TMPPE: variants seen among roughly 807,000 people sequenced by gnomAD.
TMPPE encodes the protein transmembrane protein with metallophosphoesterase domain.
Under a neutral mutation model 22.6 loss-of-function variants are expected in TMPPE, and 16 were observed. The ratio of observed to expected loss-of-function variants is 0.71; its 90% confidence interval spans 0.48 to 1.08. TMPPE has a LOEUF of 1.08. TMPPE is among the 50% of genes least tolerant of loss of function. TMPPE has a pLI of 0.00. For synonymous variants in TMPPE, 240 were observed against 245.3 expected (o/e 0.98, Z 0.20); for missense variants, 526 against 584.3 (o/e 0.90, Z 1.03).
rs375148498 is a variant in TMPPE, at chr3:33,092,992, C to G, written c.1204G>C (p.Val402Leu). The G allele has an allele frequency of 6.2e-7, 1 of 1,614,102 alleles. No homozygotes were observed. The highest frequency in any genetic ancestry group is 1.3e-5 in the African/African-American group (1 of 74,926). Reference sequence around the variant, plus strand: ...AAGGGATTCAGGAGATAGGCTGCTACGTTCAAGGGGAAGATCTGCCCAGCA... The same window carrying G: ...AAGGGATTCAGGAGATAGGCTGCTAGGTTCAAGGGGAAGATCTGCCCAGCA... ...THAGQIFPLN[V>L]AAYLLNPFFA... The change falls in exon 2 of 2, where the codon GTA becomes CTA. Residue 402 changes from valine (V) to leucine (L), a missense_variant. By Grantham distance (32) the Val-to-Leu change is conservative. Coordinates refer to ENST00000342462, the MANE Select transcript of TMPPE (RefSeq NM_001039770.3).
chr3:33,092,146 CCCA>C lies in TMPPE; in HGVS notation c.*685_*687del, dbSNP rs781691359. The C allele has an allele frequency of 1.1e-5, 11 of 985,506 alleles. No individual in the cohort carries two copies. Among genetic ancestry groups the C allele is most frequent in the Non-Finnish European group, 1.3e-5 (11 of 830,092 alleles). 61.0% of individuals were successfully genotyped at this position (985,506 alleles called of 1,614,324 possible). On this transcript the variant is annotated 3_prime_UTR_variant, in exon 2 of 2. Transcript: ENST00000342462. ...GTTCTCACCATCACCGACCATGGCGCCCACCGTTCTTCTCCCCTGACCTTGCCC... is the reference window on the plus strand; with the variant it reads ...GTTCTCACCATCACCGACCATGGCGCCCGTTCTTCTCCCCTGACCTTGCCC...
At position 33,097,110 on chromosome 3, in the gene TMPPE, G is replaced by A. The variant is rs368944274; in HGVS notation, c.-500C>T. The A allele has an allele frequency of 1.9e-6, 3 of 1,610,684 alleles. No individual in the cohort carries two copies. Among genetic ancestry groups the A allele is most frequent in the Non-Finnish European group, 2.5e-6 (3 of 1,178,386 alleles). ...TGACCACCAGCCTCCCGGCTCTGCA[G>A]TCGGCGCCCAGGCCGGCCGCTTCGC... On this transcript the variant is annotated 5_prime_UTR_variant, in exon 1 of 2. Coordinates refer to ENST00000342462, the MANE Select transcript of TMPPE (RefSeq NM_001039770.3).
Position 33,094,189 on chromosome 3 carries a change from T to C in TMPPE, c.7A>G (p.Ile3Val). The C allele has an allele frequency of 1.9e-6, 3 of 1,599,320 alleles. No homozygotes were observed. Among genetic ancestry groups the C allele is most frequent in the Non-Finnish European group, 2.6e-6 (3 of 1,170,300 alleles). Residue 3 changes from isoleucine to valine, a missense_variant, in exon 2 of 2, where the codon ATC becomes GTC. Coordinates refer to ENST00000342462, the MANE Select transcript of TMPPE (RefSeq NM_001039770.3). ...GCGCCTAGGGACAGCTGCCTGAAGA[T>C]GGCCATTTTCTCTGCTCCTAGTAGG... is the stretch of plus-strand genomic sequence containing the variant. MA[I>V]FRQLSLGAKA...
rs768807428 is a variant in TMPPE at position 33,097,096 on chromosome 3, C to T, written c.-486G>A. Reference sequence around the variant, plus strand: ...CAGGAACCCCGGCATGACCACCAGCCTCCCGGCTCTGCAGTCGGCGCCCAG... The same window carrying T: ...CAGGAACCCCGGCATGACCACCAGCTTCCCGGCTCTGCAGTCGGCGCCCAG... On this transcript the variant is annotated 5_prime_UTR_variant, in exon 1 of 2. Transcript: ENST00000342462. The T allele has an allele frequency of 1.1e-5, 17 of 1,612,112 alleles. No homozygotes were observed. The highest frequency in any genetic ancestry group is 1.0e-4 in the Admixed American group (6 of 59,834).
chr3:33,094,540 A>G (rs1317280942), intron 1 of TMPPE, among the ~76,000 whole-genome samples: 2 of 152,252 alleles, frequency 1.3e-5, no homozygotes, highest in Non-Finnish European at 2.9e-5. Context: ...TACAGTAAGC[A>G]TGTACTTGTT....
Position 33,092,797 on chromosome 3 carries a change from A to T in TMPPE, c.*37T>A, listed in dbSNP as rs767096951. On this transcript the variant is annotated 3_prime_UTR_variant, in exon 2 of 2. Coordinates refer to ENST00000342462, the MANE Select transcript of TMPPE (RefSeq NM_001039770.3). ...TCTGAAGCAGGATGGAGGGTCGAGGACAAGGGCAGGGCAGAGGTGCACAGG... is the reference window on the plus strand; with the variant it reads ...TCTGAAGCAGGATGGAGGGTCGAGGTCAAGGGCAGGGCAGAGGTGCACAGG... 2 of 1,548,562 alleles carry T rather than the reference A, an allele frequency of 1.3e-6. No homozygotes were observed. The highest frequency in any genetic ancestry group is 4.5e-5 in the East Asian group (2 of 44,270).
In TMPPE at chr3:33,094,221, C is replaced by G. The variant is rs748621486; in HGVS notation, c.-26G>C. ...TTTCTCTGCTCCTAGTAGGCTCCCCCACCAGTTCTGTGCTGGTGGACTCTG... is the reference window on the plus strand; with the variant it reads ...TTTCTCTGCTCCTAGTAGGCTCCCCGACCAGTTCTGTGCTGGTGGACTCTG... On this transcript the variant is annotated 5_prime_UTR_variant, in exon 2 of 2. Coordinates refer to ENST00000342462, the MANE Select transcript of TMPPE (RefSeq NM_001039770.3). 43 of 1,570,200 alleles carry G rather than the reference C, an allele frequency of 2.7e-5. No homozygotes were observed. Among genetic ancestry groups the G allele is most frequent in the African/African-American group, 1.9e-4 (14 of 73,926 alleles).
Position 33,093,710 on chromosome 3 carries a change from G to A in TMPPE, c.486C>T (p.Leu162=), listed in dbSNP as rs778210727. Residue 162 remains leucine (L), a synonymous_variant, in exon 2 of 2, where the codon CTC becomes CTT. Coordinates refer to ENST00000342462, the MANE Select transcript of TMPPE (RefSeq NM_001039770.3). This position sits in a 1 kb window ranked among gnomAD's most constrained non-coding sequence, Gnocchi z 6.0. ...VVGSLEKTRK[L]VLRPALAVGV... is the part of the protein sequence containing the mutation. Reference sequence around the variant, plus strand: ...CCACTGCCAGGGCAGGCCTGAGCACGAGCTTCCTTGTCTTCTCAAGGCTGC... The same window carrying A: ...CCACTGCCAGGGCAGGCCTGAGCACAAGCTTCCTTGTCTTCTCAAGGCTGC... 1.4e-5 allele frequency: 23 copies of A among 1,613,998 alleles called. No homozygotes were observed. The highest frequency in any genetic ancestry group is 5.5e-5 in the South Asian group (5 of 91,084).
chr3:33,093,604 G>C lies in TMPPE; in HGVS notation c.592C>G (p.His198Asp), dbSNP rs369203167. Residue 198 changes from histidine to aspartate, a missense_variant, in exon 2 of 2, where the codon CAT (histidine) becomes GAT (aspartate). Coordinates refer to ENST00000342462, the MANE Select transcript of TMPPE (RefSeq NM_001039770.3). The surrounding 1 kb of genome is among the most constrained non-coding windows in gnomAD (Gnocchi z 6.0). ...TTGTTCATTGAGGCAGGCAGCTGAT[G>C]GATGGGCACCTCCACAGTTTTCACA... ...PAVKTVEVPI[H>D]QLPASMNNLK... 6.2e-7 allele frequency: 1 copy of C among 1,614,058 alleles called. No homozygotes were observed. Among genetic ancestry groups the C allele is most frequent in the Non-Finnish European group, 8.5e-7 (1 of 1,180,030 alleles).
rs970360934 is a variant in TMPPE at position 33,092,419 on chromosome 3, A to G, written c.*415T>C. 3.0e-6 allele frequency: 3 copies of G among 995,802 alleles called. No homozygotes were observed. Among genetic ancestry groups the G allele is most frequent in the Non-Finnish European group, 3.6e-6 (3 of 836,672 alleles). The allele number at this position is 995,802 out of a possible 1,614,324, so 61.7% of individuals were successfully genotyped here. A position where few individuals can be genotyped will look rare whatever the true frequency, so the allele number is the denominator to read the frequency against. ...GGATCAATGATTCTGGAAACCACTTAAGTCCTAAAGACAATTTTAAAACAC... is the reference window on the plus strand; with the variant it reads ...GGATCAATGATTCTGGAAACCACTTGAGTCCTAAAGACAATTTTAAAACAC... On this transcript the variant is annotated 3_prime_UTR_variant, in exon 2 of 2. Coordinates refer to ENST00000342462, the MANE Select transcript of TMPPE (RefSeq NM_001039770.3).
Position 33,092,577 on chromosome 3 carries a change from G to A in TMPPE, c.*257C>T. 8.0e-7 allele frequency: 1 copy of A among 1,250,430 alleles called. No individual in the cohort carries two copies. The highest frequency in any genetic ancestry group is 3.2e-5 in the South Asian group (1 of 31,210). 77.5% of individuals were successfully genotyped at this position (1,250,430 alleles called of 1,614,324 possible). ...CATTCCACATCATCTGGAAAATAGAGGGGAGTGCTAATATATGTGACCTTA... is the reference window on the plus strand; with the variant it reads ...CATTCCACATCATCTGGAAAATAGAAGGGAGTGCTAATATATGTGACCTTA... On this transcript the variant is annotated 3_prime_UTR_variant, in exon 2 of 2. Coordinates refer to ENST00000342462, the MANE Select transcript of TMPPE (RefSeq NM_001039770.3).
In TMPPE at chr3:33,093,537, G is replaced by A. The variant is rs1175822996; in HGVS notation, c.659C>T (p.Thr220Ile). Residue 220 changes from threonine to isoleucine, a missense_variant, in exon 2 of 2, where the codon ACA becomes ATA. By Grantham distance (89) the Thr-to-Ile change is moderately conservative (BLOSUM62 -1). Coordinates refer to ENST00000342462, the MANE Select transcript of TMPPE (RefSeq NM_001039770.3). The surrounding 1 kb of genome is among the most constrained non-coding windows in gnomAD (Gnocchi z 6.0). Reference protein sequence around the residue: ...VLLSDIHLGPTVGRTKMEMFV... With the variant: ...VLLSDIHLGPIVGRTKMEMFV... The stretch of plus-strand genomic sequence containing the variant: ...CATTTCCATCTTGGTCCTGCCCACT[G>A]TGGGGCCCAAGTGAATGTCTGAGAG... The A allele has an allele frequency of 6.2e-7, 1 of 1,614,242 alleles. No individual in the cohort carries two copies. Among genetic ancestry groups the A allele is most frequent in the Admixed American group, 1.7e-5 (1 of 60,028 alleles).
Position 33,091,673 on chromosome 3 carries a change from C to A in TMPPE, c.*1161G>T. On this transcript the variant is annotated 3_prime_UTR_variant, in exon 2 of 2. Coordinates refer to ENST00000342462, the MANE Select transcript of TMPPE (RefSeq NM_001039770.3). The stretch of plus-strand genomic sequence containing the variant: ...ATCCCCATTTTAGGGTTGATGGAAA[C>A]CAAGGCTGAGTGAGGGAAAGTCACC... 1.0e-6 allele frequency: 1 copy of A among 985,272 alleles called. No individual in the cohort carries two copies. Among genetic ancestry groups the A allele is most frequent in the Non-Finnish European group, 1.2e-6 (1 of 829,796 alleles). 61.0% of individuals were successfully genotyped at this position (985,272 alleles called of 1,614,324 possible).
rs1411343530 is a variant in TMPPE, at chr3:33,093,043, T to G, written c.1153A>C (p.Asn385His). Reference sequence around the variant, plus strand: ...TGTGTGTGCCCAGAAAGGATCAGGTTAATATCTGGCCGAGCCTGGAGAGCT... The same window carrying G: ...TGTGTGTGCCCAGAAAGGATCAGGTGAATATCTGGCCGAGCCTGGAGAGCT... ...KRALQARPDI[N>H]LILSGHTHAG... The change falls in exon 2 of 2, where the codon AAC becomes CAC. Residue 385 changes from asparagine to histidine, a missense_variant. Transcript: ENST00000342462. The surrounding 1 kb of genome is among the most constrained non-coding windows in gnomAD (Gnocchi z 6.0). 6.2e-7 allele frequency: 1 copy of G among 1,614,214 alleles called. No individual in the cohort carries two copies. Among genetic ancestry groups the G allele is most frequent in the Non-Finnish European group, 8.5e-7 (1 of 1,180,020 alleles).
chr3:33,095,584 G>A (rs1297722455), intron 1 of TMPPE, among the ~76,000 whole-genome samples: 1 of 152,202 alleles, frequency 6.6e-6, no homozygotes, highest in Non-Finnish European at 1.5e-5. Flanking sequence ...GCCTCCCTGT[G>A]TGGGCCTCAG....
At chr3:33,094,430 G>T in intron 1 of TMPPE, 127 bp from the exon 2 acceptor site, 1 of 1,143,492 alleles carries the variant, frequency 8.7e-7, no homozygotes. Context: ...CCAGTCAGTT[G>T]CTAGCTATAC....
chr3:33,094,381 C>G, intron 1 of TMPPE, 78 bp from the exon 2 acceptor site: 2 of 1,366,564 alleles, frequency 1.5e-6, no homozygotes, highest in Admixed American at 3.3e-5. Flanking sequence ...AGGCCACTTA[C>G]ATCTGCCCAA....
At position 33,091,677 on chromosome 3, in the gene TMPPE, G is replaced by A. The variant is rs758897598; in HGVS notation, c.*1157C>T. ...CCATTTTAGGGTTGATGGAAACCAA[G>A]GCTGAGTGAGGGAAAGTCACCCACC... On this transcript the variant is annotated 3_prime_UTR_variant, in exon 2 of 2. Transcript: ENST00000342462. 3.4e-4 allele frequency: 336 copies of A among 985,092 alleles called. No homozygotes were observed. The highest frequency in any genetic ancestry group is 3.8e-4 in the Non-Finnish European group (317 of 829,744). 61.0% of individuals were successfully genotyped at this position (985,092 alleles called of 1,614,324 possible).
intron 1 of TMPPE, among the ~76,000 whole-genome samples, chr3:33,095,299 C>T (rs1459961367): frequency 2.0e-5 from 3 of 150,794 alleles, no homozygotes; most frequent in South Asian, 4.2e-4. Flanking sequence ...CGCTGGGTCA[C>T]GAGGTCAGGA....
Sources: gnomAD v4.1 joint callset for allele counts (sites outside exome capture counted in the v4.1 genomes callset) on GRCh38, gnomAD v4.1.1 for gene constraint, Gnocchi (gnomAD v3.1) non-coding constraint, MANE v1.5 for transcripts, NCBI Gene and HGNC (gene_info 2026-07-23, HGNC 2026-07-21) for gene names.